Variants in NRXN3 observed in about 807,000 individuals in gnomAD.
NRXN3 encodes the protein neurexin III.
NRXN3 carries 32 observed loss-of-function variants against 137.6 expected under a neutral mutation model. The ratio of observed to expected loss-of-function variants is 0.23; its 90% CI spans 0.18 to 0.31. The LOEUF (loss-of-function observed/expected upper bound fraction) is 0.31, where lower values mean the gene tolerates loss of function less well. NRXN3 is among the 10% of genes least tolerant of loss of function. NRXN3 has a pLI of 1.00. For missense variants in NRXN3, 1,574 were observed against 2,062.5 expected (o/e 0.76, Z 4.59); for synonymous variants, 798 against 784.5 (o/e 1.02, Z -0.29).
chr14:79,344,755 A>G (rs1193085097), intron 15 of NRXN3, among the ~76,000 whole-genome samples: 1 of 152,210 alleles, frequency 6.6e-6, no homozygotes, highest in Non-Finnish European at 1.5e-5. Context: ...TGAAACTGAA[A>G]TATTCCTCTT....
intron 15 of NRXN3, among the ~76,000 whole-genome samples, chr14:79,150,333 G>C (rs899773950): frequency 2.0e-5 from 3 of 151,926 alleles, no homozygotes; most frequent in African/African-American, 4.8e-5. Flanking sequence ...GCCTATAGCT[G>C]TCTCCGCCCC....
In NRXN3 at chr14:79,133,742, G is replaced by A. The variant is rs532328881; in HGVS notation, c.3262+145601G>A. Among the ~76,000 whole-genome samples the A allele has an allele frequency of 1.5e-3, 231 of 151,876 alleles. 4 individuals are homozygous for A. Among genetic ancestry groups the A allele is most frequent in the East Asian group, 0.013 (66 of 5,140 alleles). The stretch of plus-strand genomic sequence containing the variant: ...GGATCGAGACTATCCTGGCTAACAT[G>A]GTGAAATCCTGTCTCTACTAAAAAT... On this transcript the variant is annotated intron_variant, in intron 15 of 20. Transcript: ENST00000335750.
intron 19 of NRXN3, among the ~76,000 whole-genome samples, chr14:79,799,959 A>C (rs1185695914): frequency 6.6e-6 from 1 of 152,218 alleles, no homozygotes; most frequent in Non-Finnish European, 1.5e-5. Flanking sequence ...GATTCATTAA[A>C]GTAATGAATG....
chr14:78,251,077 T>A (rs952538535), intron 2 of NRXN3, among the ~76,000 whole-genome samples: 1 of 152,152 alleles, frequency 6.6e-6, no homozygotes, highest in Admixed American at 6.5e-5. Flanking sequence ...GACCCAAGGC[T>A]CCGGAGGTAG....
rs769818353 is a variant in NRXN3, at chr14:78,968,364, C to T, written c.3142+18C>T. ...CTGTGAAGGTACAACCTATTTTTTT[C>T]TTGTTAAGCTACAGCCTTGTTGCAA... On this transcript the variant is annotated intron_variant, in intron 14 of 20. Coordinates refer to ENST00000335750, the MANE Select transcript of NRXN3 (RefSeq NM_001330195.2). 1 of 1,609,716 alleles carries T rather than the reference C, an allele frequency of 6.2e-7. No homozygotes were observed. The highest frequency in any genetic ancestry group is 8.5e-7 in the Non-Finnish European group (1 of 1,177,102).
intron 16 of NRXN3, among the ~76,000 whole-genome samples, chr14:79,553,797 GC>G (rs1044128183): frequency 2.6e-5 from 4 of 152,132 alleles, no homozygotes; most frequent in African/African-American, 9.7e-5. Flanking sequence ...TCATTGGTTA[GC>G]CCCCTAGACT....
chr14:79,562,897 GTTC>G (rs1397881603), intron 16 of NRXN3, among the ~76,000 whole-genome samples: 1 of 152,242 alleles, frequency 6.6e-6, no homozygotes, highest in African/African-American at 2.4e-5. Flanking sequence ...TCTGTTCTGA[GTTC>G]TTCTTTTCTC....
chr14:79,569,961 A>G (rs1248404696), intron 16 of NRXN3, among the ~76,000 whole-genome samples: 1 of 152,092 alleles, frequency 6.6e-6, no homozygotes, highest in Non-Finnish European at 1.5e-5. Flanking sequence ...TTTAAACATC[A>G]CCAGAAGGGA....
chr14:78,815,690 A>G (rs1000480338), intron 10 of NRXN3, among the ~76,000 whole-genome samples: 1 of 151,860 alleles, frequency 6.6e-6, no homozygotes, highest in African/African-American at 2.4e-5. Context: ...ATGGTACAAG[A>G]ATATGTTATT....
intron 10 of NRXN3, among the ~76,000 whole-genome samples, chr14:78,918,307 AGAG>A (rs1221797020): frequency 1.5e-5 from 2 of 134,614 alleles, no homozygotes; most frequent in Admixed American, 7.1e-5. Flanking sequence ...AAAAAAAAAA[AGAG>A]AGAGAGAGAG....
At chr14:79,360,820 C>T (rs752019588) in intron 15 of NRXN3, among the ~76,000 whole-genome samples, 2 of 152,192 alleles carry the variant, frequency 1.3e-5, no homozygotes, top group Non-Finnish European at 2.9e-5. Flanking sequence ...TTTACCTAAT[C>T]TTTTTGAACC....
chr14:78,191,986 T>C (rs2060778579), intron 1 of NRXN3, among the ~76,000 whole-genome samples: 1 of 151,894 alleles, frequency 6.6e-6, no homozygotes, highest in African/African-American at 2.4e-5. Flanking sequence ...TACAAAATCC[T>C]GGTATTCCTG....
chr14:78,286,206 C>T (rs929542892), intron 3 of NRXN3, among the ~76,000 whole-genome samples: 36 of 152,264 alleles, frequency 2.4e-4, no homozygotes, highest in African/African-American at 7.9e-4. Context: ...GCCAAATGGG[C>T]GGAGGTGTTT....
intron 15 of NRXN3, among the ~76,000 whole-genome samples, chr14:79,416,721 T>TA (rs1815688914): frequency 6.6e-6 from 1 of 152,174 alleles, no homozygotes; most frequent in Non-Finnish European, 1.5e-5. Context: ...CAAATAAATC[T>TA]AATATATGTC....
At chr14:78,630,554 AC>A (rs1424301930) in intron 4 of NRXN3, among the ~76,000 whole-genome samples, 1 of 151,208 alleles carries the variant, frequency 6.6e-6, no homozygotes, top group African/African-American at 2.4e-5. Flanking sequence ...TTTAGCTTTT[AC>A]TACAAATGTA....
At chr14:78,984,687 C>T (rs757443550) in intron 14 of NRXN3, among the ~76,000 whole-genome samples, 3 of 152,180 alleles carry the variant, frequency 2.0e-5, no homozygotes, top group Non-Finnish European at 4.4e-5. Flanking sequence ...CTCAATTCTG[C>T]CCCCAGTCAG....
intron 6 of NRXN3, among the ~76,000 whole-genome samples, 172 bp from the exon 7 acceptor site, chr14:78,709,045 C>T (rs1170724597): frequency 1.3e-5 from 2 of 152,164 alleles, no homozygotes; most frequent in African/African-American, 2.4e-5. Context: ...GTGTGCACAT[C>T]AGATGTTTCT....
chr14:78,222,379 A>T (rs2063950554), intron 1 of NRXN3, among the ~76,000 whole-genome samples: 1 of 152,104 alleles, frequency 6.6e-6, no homozygotes, highest in African/African-American at 2.4e-5. Context: ...GCGTGGGCTC[A>T]CCCGAGGTAA....
chr14:78,472,098 G>A (rs557646512), intron 4 of NRXN3, among the ~76,000 whole-genome samples: 2 of 152,318 alleles, frequency 1.3e-5, no homozygotes, highest in East Asian at 1.9e-4. Context: ...GCCTCAAAGA[G>A]CTTTGAAGAG....
Sources: gnomAD v4.1 joint callset for allele counts (sites outside exome capture counted in the v4.1 genomes callset) on GRCh38, gnomAD v4.1.1 for gene constraint, MANE v1.5 for transcripts, NCBI Gene and HGNC (gene_info 2026-07-23, HGNC 2026-07-21) for gene names.